The following EVI5L variants were observed in gnomAD, a reference collection of about 807,000 sequenced individuals.
EVI5L encodes the protein ecotropic viral integration site 5 like.
Under a neutral mutation model 106.1 loss-of-function variants are expected in EVI5L, and 30 were observed. The observed-to-expected ratio is 0.28, with a 90% CI of 0.21 to 0.38. The LOEUF (loss-of-function observed/expected upper bound fraction) is 0.38, where lower values mean the gene tolerates loss of function less well. Among genes scored for constraint, EVI5L ranks in the 10% least tolerant of loss-of-function variants. The pLI, the probability that EVI5L is intolerant of heterozygous loss-of-function variation, is 1.00. For missense variants in EVI5L, 809 were observed against 1,098.0 expected (o/e 0.74, Z 3.72); for synonymous variants, 489 against 483.3 (o/e 1.01, Z -0.15).
At chr19:7,843,393 A>ATGTGTGTGTG (rs1359158689) in intron 1 of EVI5L, among the ~76,000 whole-genome samples, 2 of 15,454 alleles carry the variant, frequency 1.3e-4, no homozygotes, top group African/African-American at 1.9e-4. Context: ...GAGTGTGTGC[A>ATGTGTGTGTG]TAGGTGTGTG....
chr19:7,848,881 G>A lies in EVI5L; in HGVS notation c.328-40G>A. On this transcript the variant is annotated intron_variant, in intron 3 of 19. Transcript: ENST00000538904. The surrounding 1 kb of genome is among the most constrained non-coding windows in gnomAD (Gnocchi z 4.8). ...TGGGTGGCCACGGGGAGGCTGCGCT[G>A]GGACCGAGTCCAGCCCCCGCTTCCC... The A allele has an allele frequency of 6.3e-7, 1 of 1,586,614 alleles. No individual in the cohort carries two copies. Among genetic ancestry groups the A allele is most frequent in the African/African-American group, 1.3e-5 (1 of 74,566 alleles).
In EVI5L at chr19:7,862,977, G is replaced by A. The variant is rs1979918402; in HGVS notation, c.1953G>A (p.Lys651=). Residue 651 remains lysine, a synonymous_variant, in exon 18 of 20, where the codon AAG becomes AAA. Coordinates refer to ENST00000538904, the MANE Select transcript of EVI5L (RefSeq NM_001159944.3). The part of the protein sequence containing the change: ...RKQAEAECKS[K]EEVMAVRLRE... ...CCCCAATCCCCCGACCCCAGAGCAAGGAGGAGGTGATGGCTGTGCGACTGC... is the reference window on the plus strand; with the variant it reads ...CCCCAATCCCCCGACCCCAGAGCAAAGAGGAGGTGATGGCTGTGCGACTGC... 2 of 1,564,026 alleles carry A rather than the reference G, an allele frequency of 1.3e-6. No individual in the cohort carries two copies. Among genetic ancestry groups the A allele is most frequent in the Admixed American group, 3.5e-5 (2 of 56,684 alleles).
intron 1 of EVI5L, 38 bp from the exon 2 acceptor site, chr19:7,846,458 C>T (rs905292107): frequency 2.0e-6 from 3 of 1,490,630 alleles, no homozygotes; most frequent in East Asian, 2.4e-5. Context: ...GGAGTGGGCT[C>T]CCACCCAATG....
chr19:7,832,865 T>TCTCTGATGCCCCACATAGAC (rs1978299682), intron 1 of EVI5L, among the ~76,000 whole-genome samples: 1 of 152,018 alleles, frequency 6.6e-6, no homozygotes, highest in South Asian at 2.1e-4. Context: ...CCCACATAGA[T>TCTCTGATGCCCCACATAGAC]CTCTGATGCC....
rs1285038722 is a variant in EVI5L at position 7,856,282 on chromosome 19, G to A, written c.1200+214G>A. On this transcript the variant is annotated intron_variant, in intron 11 of 19. Transcript: ENST00000538904. The surrounding 1 kb of genome is among the most constrained non-coding windows in gnomAD (Gnocchi z 6.6). ...TATGGTGATTAATCCTGGAGTGGGG[G>A]CGAGTTACAACCCAGTGGCCTGCAG... Among the ~76,000 whole-genome samples the A allele has an allele frequency of 2.0e-5, 3 of 152,116 alleles. No individual in the cohort carries two copies. Among genetic ancestry groups the A allele is most frequent in the Non-Finnish European group, 2.9e-5 (2 of 68,012 alleles).
intron 9 of EVI5L, 21 bp from the exon 10 acceptor site, chr19:7,853,252 C>G (rs777797707): frequency 6.2e-7 from 1 of 1,613,788 alleles, no homozygotes; most frequent in South Asian, 1.1e-5. Context: ...ACAGTAACCA[C>G]GGGGCCCTCC....
Position 7,861,996 on chromosome 19 carries a change from AGGAGCTCTC to A in EVI5L, c.1626_1634del (p.Glu542_Ser544del). On this transcript the variant is annotated inframe_deletion, in exon 15 of 20. Coordinates refer to ENST00000538904, the MANE Select transcript of EVI5L (RefSeq NM_001159944.3). ...ACGCGAGAGCTTAAACTGCAGCTGC[AGGAGCTCTC>A]GGACACCTGGCAGGTGAGGGCCGGG... 1 of 1,548,384 alleles carries A rather than the reference AGGAGCTCTC, an allele frequency of 6.5e-7. No homozygotes were observed. The highest frequency in any genetic ancestry group is 8.7e-7 in the Non-Finnish European group (1 of 1,146,178).
intron 5 of EVI5L, 51 bp from the exon 6 acceptor site, chr19:7,849,945 GC>G: frequency 1.3e-6 from 2 of 1,483,538 alleles, no homozygotes; most frequent in South Asian, 1.2e-5. Flanking sequence ...GCAGCGAGAT[GC>G]CCCTCCCCGC....
In EVI5L at chr19:7,847,879, C is replaced by T. The variant is rs367839369; in HGVS notation, c.285C>T (p.Asn95=). The T allele has an allele frequency of 1.5e-5, 24 of 1,587,142 alleles. No individual in the cohort carries two copies. The highest frequency in any genetic ancestry group is 1.3e-5 in the African/African-American group (1 of 74,126). ...GGATCCTGTGGGGCCGGATCGCCAA[C>T]GAGTGGGAGGAGTGGCGGCGCAGGA... is the stretch of plus-strand genomic sequence containing the variant. ...DTWILWGRIA[N]EWEEWRRRKE... is the part of the protein sequence containing the mutation. The change falls in exon 3 of 20, where the codon AAC becomes AAT. Residue 95 remains asparagine (N), a synonymous_variant. Coordinates refer to ENST00000538904, the MANE Select transcript of EVI5L (RefSeq NM_001159944.3).
At chr19:7,861,844 G>A in intron 14 of EVI5L, 34 bp from the exon 15 acceptor site, 1 of 1,548,902 alleles carries the variant, frequency 6.5e-7, no homozygotes. Flanking sequence ...CGGCTGCGCT[G>A]CTCCCCCAGG....
Position 7,847,931 on chromosome 19 carries a change from G to C in EVI5L, c.327+10G>C. The C allele has an allele frequency of 6.5e-7, 1 of 1,535,180 alleles. No individual in the cohort carries two copies. ...GGAGAAGCTGCTCAAGGTGGGGGGC[G>C]GCCAGGCAGGCAGGGCTGGGCCGAC... is the stretch of plus-strand genomic sequence containing the variant. On this transcript the variant is annotated intron_variant, in intron 3 of 19. Coordinates refer to ENST00000538904, the MANE Select transcript of EVI5L (RefSeq NM_001159944.3).
chr19:7,849,039 C>G lies in EVI5L; in HGVS notation c.446C>G (p.Pro149Arg). Reference sequence around the variant, plus strand: ...TCCGAGCTGCTCAAGATGTCCTCGCCGTGCGAGAAGCTGATCCGCAGGGAC... The same window carrying G: ...TCCGAGCTGCTCAAGATGTCCTCGCGGTGCGAGAAGCTGATCCGCAGGGAC... ...QYSELLKMSSPCEKLIRRDIA... is the reference protein window; with the variant it reads ...QYSELLKMSSRCEKLIRRDIA... Residue 149 changes from proline (P) to arginine (R), a missense_variant, in exon 4 of 20, where the codon CCG becomes CGG. Physicochemically the swap from Pro to Arg is moderately radical, Grantham distance 103. This residue lies in a region of EVI5L where 357 missense variants were observed against 588.1 expected (regional missense o/e 0.61). Coordinates refer to ENST00000538904, the MANE Select transcript of EVI5L (RefSeq NM_001159944.3). The G allele has an allele frequency of 6.2e-7, 1 of 1,613,546 alleles. No individual in the cohort carries two copies. Among genetic ancestry groups the G allele is most frequent in the Non-Finnish European group, 8.5e-7 (1 of 1,179,972 alleles).
chr19:7,832,046 C>T lies in EVI5L; in HGVS notation c.-48+1665C>T, dbSNP rs915820280. ...CTGCTTCGTTTTATTCCCCCTCGGC[C>T]GGGATGTGATTGAGCTAGAGGACCC... On this transcript the variant is annotated intron_variant, in intron 1 of 19. Coordinates refer to ENST00000538904, the MANE Select transcript of EVI5L (RefSeq NM_001159944.3). Among the ~76,000 whole-genome samples, 3 of 152,356 alleles carry T rather than the reference C, an allele frequency of 2.0e-5. 1 individual carries two copies. Among genetic ancestry groups the T allele is most frequent in the Admixed American group, 2.0e-4 (3 of 15,306 alleles).
Position 7,857,966 on chromosome 19 carries a change from A to G in EVI5L, c.1234-225A>G, listed in dbSNP as rs947041516. 53 of 555,676 alleles carry G rather than the reference A, an allele frequency of 9.5e-5. No homozygotes were observed. Among genetic ancestry groups the G allele is most frequent in the African/African-American group, 9.3e-4 (49 of 52,428 alleles). 34.4% of individuals were successfully genotyped at this position (555,676 alleles called of 1,614,324 possible). A position where few individuals can be genotyped will look rare whatever the true frequency, so the allele number is the denominator to read the frequency against. ...GATGGAGCTTTCCAAGCCCAGGGCTAGCTCTGTTCCTCCCGGGCTCCTCCA... is the reference window on the plus strand; with the variant it reads ...GATGGAGCTTTCCAAGCCCAGGGCTGGCTCTGTTCCTCCCGGGCTCCTCCA... On this transcript the variant is annotated intron_variant, in intron 12 of 19. Transcript: ENST00000538904. This position sits in a 1 kb window ranked among gnomAD's most constrained non-coding sequence, Gnocchi z 4.5.
rs1418909863 is a variant in EVI5L at position 7,862,430 on chromosome 19, C to A, written c.1843C>A (p.Arg615Ser). 1 of 1,609,924 alleles carries A rather than the reference C, an allele frequency of 6.2e-7. No individual in the cohort carries two copies. Among genetic ancestry groups the A allele is most frequent in the Admixed American group, 1.7e-5 (1 of 59,686 alleles). Residue 615 changes from arginine (R) to serine (S), a missense_variant, in exon 17 of 20, where the codon CGC becomes AGC. Arg to Ser is a moderately radical substitution (Grantham distance 110). Coordinates refer to ENST00000538904, the MANE Select transcript of EVI5L (RefSeq NM_001159944.3). ...CCTTCTGAACCGCGTGGAGGCGGAG[C>A]GCGCGGCGCTGCAGGAGAAGCTGCA... ...RNLLNRVEAE[R>S]AALQEKLQYL...
intron 13 of EVI5L, among the ~76,000 whole-genome samples, chr19:7,860,271 G>A (rs896182205): frequency 7.9e-5 from 12 of 152,166 alleles, no homozygotes; most frequent in African/African-American, 2.7e-4. Flanking sequence ...CAGTGATCCC[G>A]GAAAACCAGT....
At chr19:7,843,165 T>C (rs62638003) in intron 1 of EVI5L, among the ~76,000 whole-genome samples, 2,741 of 138,528 alleles carry the variant, frequency 0.02, 38 homozygotes, top group Non-Finnish European at 0.029. Context: ...TAGGCATGGG[T>C]GTGTGTGTTG....
Position 7,858,274 on chromosome 19 carries a change from G to C in EVI5L, c.1317G>C (p.Ser439=). The C allele has an allele frequency of 6.4e-7, 1 of 1,552,498 alleles. No homozygotes were observed. The highest frequency in any genetic ancestry group is 2.4e-5 in the East Asian group (1 of 41,316). Residue 439 remains serine (S), a synonymous_variant, in exon 13 of 20, where the codon TCG becomes TCC. Transcript: ENST00000538904. This position sits in a 1 kb window ranked among gnomAD's most constrained non-coding sequence, Gnocchi z 5.7. ...CGGTGGTGCGGCAGCAGTGCAGCTC[G>C]GCGGCCGAGGACCTGCAGAAGGCAC... ...ELAVVRQQCS[S]AAEDLQKAQS... is the part of the protein sequence containing the mutation.
chr19:7,854,366 C>T (rs1027121270), intron 10 of EVI5L, among the ~76,000 whole-genome samples: 7 of 151,762 alleles, frequency 4.6e-5, no homozygotes, highest in South Asian at 2.1e-4. Flanking sequence ...AGACTGAGGG[C>T]GCACCAGTGA....
Sources: gnomAD v4.1 joint callset for allele counts (sites outside exome capture counted in the v4.1 genomes callset) on GRCh38, gnomAD v4.1.1 for gene constraint, gnomAD v4.1.1 regional missense constraint, Gnocchi (gnomAD v3.1) non-coding constraint, MANE v1.5 for transcripts, NCBI Gene and HGNC (gene_info 2026-07-23, HGNC 2026-07-21) for gene names.